PELI2: variants seen among roughly 807,000 people sequenced by gnomAD.
The protein encoded by PELI2 is E3 ubiquitin-protein ligase pellino homolog 2.
In PELI2, 23 loss-of-function variants were observed where a neutral mutation model predicts 42.3. The ratio of observed to expected loss-of-function variants is 0.54; its 90% CI spans 0.39 to 0.77. The LOEUF (loss-of-function observed/expected upper bound fraction) is 0.77, where lower values mean the gene tolerates loss of function less well. PELI2 is among the 30% of genes least tolerant of loss of function. PELI2 has a pLI of 0.00. For missense variants in PELI2, 463 were observed against 553.2 expected (o/e 0.84, Z 1.64); for synonymous variants, 245 against 212.2 (o/e 1.15, Z -1.34).
intron 3 of PELI2, among the ~76,000 whole-genome samples, chr14:56,285,998 G>A (rs1889632963): frequency 6.6e-6 from 1 of 152,182 alleles, no homozygotes; most frequent in Non-Finnish European, 1.5e-5. Context: ...TGGCATTGCG[G>A]AAACATCCAA....
At chr14:56,228,273 A>G (rs985423762) in intron 2 of PELI2, among the ~76,000 whole-genome samples, 1 of 152,202 alleles carries the variant, frequency 6.6e-6, no homozygotes, top group African/African-American at 2.4e-5. Flanking sequence ...GCTGTGGTTC[A>G]TCTTTCCCTT....
intron 2 of PELI2, among the ~76,000 whole-genome samples, chr14:56,259,392 GT>G (rs1888639015): frequency 6.6e-6 from 1 of 152,052 alleles, no homozygotes; most frequent in Admixed American, 6.6e-5. Context: ...AATGTATGGG[GT>G]TTATAACATG....
rs1398723192 is a variant in PELI2 at position 56,300,133 on chromosome 14, A to G, written c.*2967A>G. The G allele has an allele frequency of 6.6e-6, 1 of 152,662 alleles. No homozygotes were observed. The highest frequency in any genetic ancestry group is 6.5e-5 in the Admixed American group (1 of 15,282). 9.5% of individuals were successfully genotyped at this position (152,662 alleles called of 1,614,324 possible). On this transcript the variant is annotated 3_prime_UTR_variant, in exon 6 of 6. Transcript: ENST00000267460. ...AGAATTAAAATCTGTTAATATAAAT[A>G]GAGAACATATTTATCATTCCTCGAT... is the stretch of plus-strand genomic sequence containing the variant.
chr14:56,252,817 G>C (rs144967725), intron 2 of PELI2, among the ~76,000 whole-genome samples: 1 of 152,078 alleles, frequency 6.6e-6, no homozygotes, highest in East Asian at 1.9e-4. Flanking sequence ...AAAGTATTCC[G>C]AACAATAGAA....
chr14:56,173,182 T>C (rs1003568318), intron 1 of PELI2, among the ~76,000 whole-genome samples: 6 of 152,338 alleles, frequency 3.9e-5, no homozygotes, highest in African/African-American at 1.4e-4. Context: ...GCTGTCACTC[T>C]GGCCAGGCCA....
rs1432564776 is a variant in PELI2 at position 56,288,521 on chromosome 14, A to G, written c.394A>G (p.Thr132Ala). ...CCAGAACACGGACGAAGCCCAGATC[A>G]CACAGAGCACCATATCCAGGTTCGC... ...GSQNTDEAQI[T>A]QSTISRFACR... Residue 132 changes from threonine to alanine, a missense_variant, in exon 4 of 6, where the codon ACA becomes GCA. Thr to Ala is a moderately conservative substitution (Grantham distance 58). Coordinates refer to ENST00000267460, the MANE Select transcript of PELI2 (RefSeq NM_021255.3). This position sits in a 1 kb window ranked among gnomAD's most constrained non-coding sequence, Gnocchi z 4.6. 5 of 1,614,014 alleles carry G rather than the reference A, an allele frequency of 3.1e-6. No homozygotes were observed. The highest frequency in any genetic ancestry group is 4.2e-6 in the Non-Finnish European group (5 of 1,180,006).
Position 56,166,774 on chromosome 14 carries a change from G to GT in PELI2, c.78-11561_78-11560insT, listed in dbSNP as rs756253958. On this transcript the variant is annotated intron_variant, in intron 1 of 5. Transcript: ENST00000267460. ...ATTGTATGTGATTTGTTTGTTGATT[G>GT]GTTTTTTTTTCTTTCTTTTTTTTTA... 3.6e-4 allele frequency among the ~76,000 whole-genome samples: 45 copies of GT among 123,696 alleles called. 1 individual carries two copies. The highest frequency in any genetic ancestry group is 2.1e-3 in the South Asian group (7 of 3,386). The allele number at this position is 123,696 out of a possible 152,430, so 81.1% of individuals were successfully genotyped here.
intron 1 of PELI2, among the ~76,000 whole-genome samples, chr14:56,129,204 G>T (rs1883390320): frequency 6.6e-6 from 1 of 152,196 alleles, no homozygotes; most frequent in African/African-American, 2.4e-5. Context: ...CTTCTGAGTA[G>T]GTTAGTGAAC....
intron 2 of PELI2, among the ~76,000 whole-genome samples, chr14:56,235,161 A>G (rs1007359873): frequency 6.6e-6 from 1 of 152,202 alleles, no homozygotes; most frequent in Non-Finnish European, 1.5e-5. Flanking sequence ...TTTAATGGCA[A>G]AAACCACAAT....
chr14:56,224,246 A>G (rs909866372), intron 2 of PELI2, among the ~76,000 whole-genome samples: 1 of 152,204 alleles, frequency 6.6e-6, no homozygotes, highest in Non-Finnish European at 1.5e-5. Flanking sequence ...CTTCCATACA[A>G]TGATTTAATA....
At chr14:56,281,444 T>G (rs1300600289) in intron 3 of PELI2, among the ~76,000 whole-genome samples, 3 of 152,124 alleles carry the variant, frequency 2.0e-5, no homozygotes, top group Non-Finnish European at 4.4e-5. Flanking sequence ...GGAAGAGAGA[T>G]GGGACTAGAA....
At position 56,296,977 on chromosome 14, in the gene PELI2, C is replaced by T. The variant is rs143007549; in HGVS notation, c.1074C>T (p.Asp358=). 1.7e-5 allele frequency: 28 copies of T among 1,614,036 alleles called. No individual in the cohort carries two copies. Among genetic ancestry groups the T allele is most frequent in the African/African-American group, 1.2e-4 (9 of 75,008 alleles). Reference sequence around the variant, plus strand: ...GCTGTGAGGCAGGATTTTATGTAGACGCAGGACCGCCAACTCATGCTTTCA... The same window carrying T: ...GCTGTGAGGCAGGATTTTATGTAGATGCAGGACCGCCAACTCATGCTTTCA... ...WLGCEAGFYV[D]AGPPTHAFTP... Residue 358 remains aspartate, a synonymous_variant, in exon 6 of 6, where the codon GAC becomes GAT. Coordinates refer to ENST00000267460, the MANE Select transcript of PELI2 (RefSeq NM_021255.3).
chr14:56,291,608 C>A lies in PELI2; in HGVS notation c.696+1152C>A, dbSNP rs145670173. On this transcript the variant is annotated intron_variant, in intron 5 of 5. Coordinates refer to ENST00000267460, the MANE Select transcript of PELI2 (RefSeq NM_021255.3). ...TGTGAAAGCAGTTTTTCTAAATAAT[C>A]TTTTGTTTCTGATCACTGGATAGTT... Among the ~76,000 whole-genome samples the A allele has an allele frequency of 1.2e-4, 19 of 152,230 alleles. No individual in the cohort carries two copies. In the East Asian group the frequency reaches 3.5e-3, roughly 28 times the overall value.
At chr14:56,152,128 C>A (rs1041908227) in intron 1 of PELI2, among the ~76,000 whole-genome samples, 9 of 152,202 alleles carry the variant, frequency 5.9e-5, no homozygotes, top group African/African-American at 2.2e-4. Flanking sequence ...AGAAGTTGTA[C>A]TTATGGTCAC....
At chr14:56,250,104 C>T (rs1888292926) in intron 2 of PELI2, among the ~76,000 whole-genome samples, 1 of 152,138 alleles carries the variant, frequency 6.6e-6, no homozygotes, top group African/African-American at 2.4e-5. Context: ...TCTGGTAATG[C>T]CATGTTTTCT....
chr14:56,276,777 A>C (rs909432099), intron 2 of PELI2, among the ~76,000 whole-genome samples: 1 of 152,172 alleles, frequency 6.6e-6, no homozygotes, highest in African/African-American at 2.4e-5. Flanking sequence ...CATTTTCCTA[A>C]CCTAAAAGCA....
chr14:56,128,826 G>A (rs1005478888), intron 1 of PELI2, among the ~76,000 whole-genome samples: 8 of 152,080 alleles, frequency 5.3e-5, no homozygotes, highest in African/African-American at 1.9e-4. Flanking sequence ...AGCAAACCTG[G>A]CAAGGTGCTG....
chr14:56,199,154 T>C (rs979485453), intron 2 of PELI2, among the ~76,000 whole-genome samples: 17 of 152,210 alleles, frequency 1.1e-4, no homozygotes, highest in African/African-American at 4.1e-4. Context: ...TTTATTACTA[T>C]CATGTGTGAG....
chr14:56,222,966 A>T (rs1448252663), intron 2 of PELI2, among the ~76,000 whole-genome samples: 1 of 152,216 alleles, frequency 6.6e-6, no homozygotes, highest in East Asian at 1.9e-4. Flanking sequence ...GGACAAAATG[A>T]TACCTTGGCA....
Sources: allele counts gnomAD v4.1 joint callset (sites outside exome capture counted in the v4.1 genomes callset), GRCh38; gene constraint gnomAD v4.1.1; non-coding constraint Gnocchi (gnomAD v3.1); transcripts MANE v1.5; gene names NCBI Gene and HGNC (gene_info 2026-07-23, HGNC 2026-07-21).